Variants in GRAMD1B observed in about 807,000 individuals in gnomAD.
The protein encoded by GRAMD1B is protein Aster-B.
GRAMD1B carries 37 observed loss-of-function variants against 99.7 expected under a neutral mutation model. That is an observed-to-expected ratio of 0.37 (90% CI 0.29 to 0.49). GRAMD1B has a LOEUF of 0.49. Among genes scored for constraint, GRAMD1B ranks in the 20% least tolerant of loss-of-function variants. The probability of loss-of-function intolerance (pLI) is 0.98; values close to 1 mark genes in which losing one functional copy is unlikely to be tolerated. For missense variants in GRAMD1B, 888 were observed against 1,009.2 expected (o/e 0.88, Z 1.63); for synonymous variants, 427 against 387.6 (o/e 1.10, Z -1.19).
chr11:123,482,914 TC>T (rs1338584398), intron 2 of GRAMD1B, among the ~76,000 whole-genome samples: 2 of 151,684 alleles, frequency 1.3e-5, no homozygotes, highest in African/African-American at 4.8e-5. Context: ...CAAAAATTAG[TC>T]GAGTGTGATG....
intron 1 of GRAMD1B, chr11:123,435,373 T>C (rs1316179793): frequency 2.9e-6 from 2 of 695,264 alleles, no homozygotes; most frequent in Non-Finnish European, 5.2e-6. Context: ...TTTTTGTTTT[T>C]TCATTATTTG....
At chr11:123,436,834 T>C (rs988338067) in intron 1 of GRAMD1B, among the ~76,000 whole-genome samples, 1 of 152,156 alleles carries the variant, frequency 6.6e-6, no homozygotes, top group African/African-American at 2.4e-5. Flanking sequence ...ACATGTGCCA[T>C]GTTGGTGTGC....
At chr11:123,388,913 AG>A (rs1234772808) in intron 1 of GRAMD1B, among the ~76,000 whole-genome samples, 1 of 152,192 alleles carries the variant, frequency 6.6e-6, no homozygotes, top group Non-Finnish European at 1.5e-5. Context: ...GTTTTGTTAC[AG>A]CATCTCGAAC....
Position 123,430,638 on chromosome 11 carries a change from G to A in GRAMD1B, c.-155G>A, listed in dbSNP as rs560924981. On this transcript the variant is annotated 5_prime_UTR_variant, in exon 1 of 20. Transcript: ENST00000635736. ...GGCGCGCTACGCCGCGTCCCCTCGCGTCCCTTCCTCGCTGCGCTCCGGGAA... is the reference window on the plus strand; with the variant it reads ...GGCGCGCTACGCCGCGTCCCCTCGCATCCCTTCCTCGCTGCGCTCCGGGAA... 6,941 of 503,160 alleles carry A rather than the reference G, an allele frequency of 0.014. 74 individuals are homozygous for A. Among genetic ancestry groups the A allele is most frequent in the Non-Finnish European group, 0.018 (5,138 of 287,718 alleles). The allele number at this position is 503,160 out of a possible 1,614,324, so 31.2% of individuals were successfully genotyped here. A position where few individuals can be genotyped will look rare whatever the true frequency, so the allele number is the denominator to read the frequency against.
At chr11:123,466,507 TTGAC>T (rs748774464) in intron 1 of GRAMD1B, among the ~76,000 whole-genome samples, 1 of 151,754 alleles carries the variant, frequency 6.6e-6, no homozygotes, top group African/African-American at 2.4e-5. Flanking sequence ...AAGAAAAAGA[TTGAC>T]TGACTGATTT....
chr11:123,409,283 T>G (rs1032291068), intron 1 of GRAMD1B, among the ~76,000 whole-genome samples: 15 of 152,218 alleles, frequency 9.9e-5, no homozygotes, highest in African/African-American at 3.6e-4. Flanking sequence ...GGTCCTCTTT[T>G]CTCATCTACA....
chr11:123,427,235 A>G (rs59528617), upstream of GRAMD1B, among the ~76,000 whole-genome samples: 2,311 of 152,270 alleles, frequency 0.015, 59 homozygotes, highest in African/African-American at 0.053. Flanking sequence ...TACTTTGAGA[A>G]ATTGTTTCTC....
chr11:123,404,666 C>T (rs770008052), intron 1 of GRAMD1B, among the ~76,000 whole-genome samples: 18 of 152,198 alleles, frequency 1.2e-4, no homozygotes, highest in Non-Finnish European at 2.4e-4. Context: ...GAACCCCAGA[C>T]CTGGAACTCT....
chr11:123,555,125 AAAG>A (rs1322967422), intron 2 of GRAMD1B, among the ~76,000 whole-genome samples: 2 of 152,224 alleles, frequency 1.3e-5, no homozygotes, highest in African/African-American at 4.8e-5. Context: ...GCCAGCCGGC[AAAG>A]AAGAAACGTT....
At chr11:123,360,941 C>G (rs570071986) in intron 1 of GRAMD1B, among the ~76,000 whole-genome samples, 1 of 152,002 alleles carries the variant, frequency 6.6e-6, no homozygotes, top group Non-Finnish European at 1.5e-5. Flanking sequence ...CTCAGCCTCC[C>G]GAGTAGCTGG....
chr11:123,410,840 A>T (rs1048151105), intron 1 of GRAMD1B, among the ~76,000 whole-genome samples: 1 of 152,094 alleles, frequency 6.6e-6, no homozygotes. Flanking sequence ...TTACCAAGTG[A>T]CTTCTAGGCA....
intron 2 of GRAMD1B, among the ~76,000 whole-genome samples, chr11:123,558,581 C>T (rs1323930417): frequency 6.6e-6 from 1 of 152,144 alleles, no homozygotes; most frequent in Non-Finnish European, 1.5e-5. Flanking sequence ...ACGTGGGTGA[C>T]CAACAAGCAA....
intron 2 of GRAMD1B, among the ~76,000 whole-genome samples, chr11:123,483,672 C>T (rs1265828164): frequency 6.6e-6 from 1 of 152,162 alleles, no homozygotes; most frequent in Non-Finnish European, 1.5e-5. Flanking sequence ...CAGGCATTAG[C>T]CACCACTGCA....
chr11:123,360,565 ATTTGGGGCTGTGC>A (rs1004038248), intron 1 of GRAMD1B, among the ~76,000 whole-genome samples: 6 of 151,952 alleles, frequency 3.9e-5, no homozygotes, highest in Non-Finnish European at 7.4e-5. Flanking sequence ...GGTTTTGGAG[ATTTGGGGCTGTGC>A]TTTGGTGATA....
chr11:123,580,597 G>A, intron 3 of GRAMD1B, among the ~76,000 whole-genome samples: 1 of 152,192 alleles, frequency 6.6e-6, no homozygotes, highest in Non-Finnish European at 1.5e-5. Context: ...ATGGCACCAG[G>A]TGATCGCTAA....
At chr11:123,545,573 T>C (rs1225561612) in intron 2 of GRAMD1B, among the ~76,000 whole-genome samples, 2 of 152,226 alleles carry the variant, frequency 1.3e-5, no homozygotes, top group Non-Finnish European at 2.9e-5. Flanking sequence ...ATCTGTACGC[T>C]CTTGGGTAAG....
intron 2 of GRAMD1B, among the ~76,000 whole-genome samples, chr11:123,507,960 T>C (rs1230842124): frequency 6.6e-6 from 1 of 152,170 alleles, no homozygotes; most frequent in Non-Finnish European, 1.5e-5. Flanking sequence ...TCAGTTCTGC[T>C]CTACTGACTG....
chr11:123,577,386 C>T lies in GRAMD1B; in HGVS notation c.472C>T (p.Arg158Cys). ...CTGCAGCACTGCCAGTAACTCCAAC[C>T]GCAGCACGCCGGCCTGCTCGCCCAT... is the stretch of plus-strand genomic sequence containing the variant. ...REESTASNSN[R>C]STPACSPILR... is the part of the protein sequence containing the mutation. The change falls in exon 3 of 20, where the codon CGC becomes TGC. Residue 158 changes from arginine to cysteine, a missense_variant. Coordinates refer to ENST00000635736, the MANE Select transcript of GRAMD1B (RefSeq NM_001387025.1). 6.3e-7 allele frequency: 1 copy of T among 1,588,726 alleles called. No individual in the cohort carries two copies.
chr11:123,598,132 G>C (rs1179735258), intron 7 of GRAMD1B: 1 of 1,587,744 alleles, frequency 6.3e-7, no homozygotes, highest in East Asian at 2.2e-5. Flanking sequence ...TGTTTGGGAT[G>C]CCCAAACACC....
Sources: gnomAD v4.1 joint callset for allele counts (sites outside exome capture counted in the v4.1 genomes callset) on GRCh38, gnomAD v4.1.1 for gene constraint, MANE v1.5 for transcripts, NCBI Gene and HGNC (gene_info 2026-07-23, HGNC 2026-07-21) for gene names.